The following MVB12B variants were observed in gnomAD, a reference collection of about 807,000 sequenced individuals.
MVB12B encodes the protein multivesicular body subunit 12B.
Under a neutral mutation model 41.6 loss-of-function variants are expected in MVB12B, and 16 were observed. The ratio of observed to expected loss-of-function variants is 0.38; its 90% CI spans 0.26 to 0.58. The LOEUF is 0.58. Among genes scored for constraint, MVB12B ranks in the 20% least tolerant of loss-of-function variants. The pLI is 0.62. For missense variants in MVB12B, 274 were observed against 380.2 expected, an observed-to-expected ratio of 0.72 and a Z score of 2.32; for synonymous variants, 133 against 139.7, an observed-to-expected ratio of 0.95 and a Z score of 0.34.
At chr9:126,332,674 G>A (rs909384136) in intron 1 of MVB12B, among the ~76,000 whole-genome samples, 11 of 128,714 alleles carry the variant, frequency 8.5e-5, no homozygotes, top group Admixed American at 6.9e-4. Flanking sequence ...CTGTTCCCCC[G>A]CCCCTTTATG....
intron 2 of MVB12B, among the ~76,000 whole-genome samples, chr9:126,357,170 GATTC>G (rs1425138604): frequency 3.9e-5 from 6 of 152,120 alleles, no homozygotes; most frequent in Non-Finnish European, 7.4e-5. Flanking sequence ...ATGATCTTGA[GATTC>G]ATTCATATTG....
intron 5 of MVB12B, among the ~76,000 whole-genome samples, chr9:126,393,043 G>A (rs1255096869): frequency 6.6e-6 from 1 of 152,194 alleles, no homozygotes; most frequent in Non-Finnish European, 1.5e-5. Flanking sequence ...GCTGAGGCCT[G>A]GGCCCGTTTG....
In MVB12B at chr9:126,404,825, G is replaced by A. The variant is rs569060972; in HGVS notation, c.662+9128G>A. ...GTGGTTGATTCTGGTGATCGTGAGA[G>A]TGGCATGAAAGAGACCTACAGAGCG... is the stretch of plus-strand genomic sequence containing the variant. On this transcript the variant is annotated intron_variant, in intron 6 of 9. Coordinates refer to ENST00000361171, the MANE Select transcript of MVB12B (RefSeq NM_033446.3). Among the ~76,000 whole-genome samples, 21 of 152,374 alleles carry A rather than the reference G, an allele frequency of 1.4e-4. No homozygotes were observed. In the South Asian group the frequency reaches 2.3e-3, roughly 17 times the overall value.
At chr9:126,440,209 C>T (rs1832595504) in intron 7 of MVB12B, among the ~76,000 whole-genome samples, 1 of 152,210 alleles carries the variant, frequency 6.6e-6, no homozygotes, top group South Asian at 2.1e-4. Flanking sequence ...GACTCCAGAG[C>T]ACCCATTCTT....
In MVB12B at chr9:126,433,852, G is replaced by A. The variant is rs1339953943; in HGVS notation, c.757+11904G>A. On this transcript the variant is annotated intron_variant, in intron 7 of 9. Coordinates refer to ENST00000361171, the MANE Select transcript of MVB12B (RefSeq NM_033446.3). ...GAGTCCTCCAGCTGCCAGCATTGCC[G>A]AGCTCAAGCATCTCTGAGTTAAGAC... 2.6e-5 allele frequency among the ~76,000 whole-genome samples: 4 copies of A among 152,142 alleles called. No individual in the cohort carries two copies. In the South Asian group the frequency reaches 8.3e-4, roughly 32 times the overall value.
At chr9:126,414,979 C>G (rs906791176) in intron 6 of MVB12B, among the ~76,000 whole-genome samples, 7 of 152,146 alleles carry the variant, frequency 4.6e-5, no homozygotes, top group Non-Finnish European at 7.3e-5. Flanking sequence ...ACCCACTCGC[C>G]TCGGCCTTCC....
chr9:126,449,012 A>G (rs1481599989), intron 7 of MVB12B, among the ~76,000 whole-genome samples: 1 of 152,216 alleles, frequency 6.6e-6, no homozygotes, highest in Admixed American at 6.5e-5. Flanking sequence ...CATAGAAGGA[A>G]GGGCAGGGGT....
chr9:126,396,684 T>G (rs1247818895), intron 6 of MVB12B: 2 of 985,352 alleles, frequency 2.0e-6, no homozygotes, highest in African/African-American at 1.7e-5. Flanking sequence ...GAGGACTCTG[T>G]CCTCTGGGAC....
intron 6 of MVB12B, among the ~76,000 whole-genome samples, chr9:126,410,601 G>A (rs544211169): frequency 2.0e-5 from 3 of 152,168 alleles, no homozygotes; most frequent in South Asian, 2.1e-4. Context: ...AAGCCTTCAC[G>A]CGGGCCTCCC....
At chr9:126,460,457 G>A (rs1833066482) in intron 7 of MVB12B, among the ~76,000 whole-genome samples, 1 of 152,192 alleles carries the variant, frequency 6.6e-6, no homozygotes, top group Admixed American at 6.5e-5. Flanking sequence ...GGTCATGCCA[G>A]GAGATGCCCC....
At chr9:126,338,449 G>C (rs967062651) in intron 1 of MVB12B, among the ~76,000 whole-genome samples, 3 of 152,184 alleles carry the variant, frequency 2.0e-5, no homozygotes, top group African/African-American at 4.8e-5. Context: ...GTGACCAGGG[G>C]ATGTGGCAAT....
chr9:126,396,064 C>A, intron 6 of MVB12B: 1 of 1,025,578 alleles, frequency 9.8e-7, no homozygotes, highest in East Asian at 8.9e-5. Flanking sequence ...TGGCCAGCAA[C>A]TCATTTGAAA....
intron 2 of MVB12B, among the ~76,000 whole-genome samples, chr9:126,344,646 C>T (rs1829541242): frequency 6.6e-6 from 1 of 152,250 alleles, no homozygotes; most frequent in Admixed American, 6.5e-5. Flanking sequence ...TCTCCCCCTC[C>T]TCTGTGACCC....
intron 8 of MVB12B, 42 bp downstream of exon 8, chr9:126,481,466 C>G: frequency 7.0e-7 from 1 of 1,432,658 alleles, no homozygotes; most frequent in Non-Finnish European, 9.9e-7. Context: ...TGCCACCCCC[C>G]AGCCTGAGGT....
intron 1 of MVB12B, among the ~76,000 whole-genome samples, chr9:126,339,416 C>T (rs1156674381): frequency 6.6e-6 from 1 of 152,166 alleles, no homozygotes; most frequent in Non-Finnish European, 1.5e-5. Flanking sequence ...CTCTTTTTCA[C>T]TGCTTGTCCT....
intron 7 of MVB12B, among the ~76,000 whole-genome samples, chr9:126,476,186 A>G (rs113864228): frequency 2.7e-5 from 4 of 147,408 alleles, no homozygotes; most frequent in African/African-American, 9.8e-5. Flanking sequence ...GCATCCCGCA[A>G]TGGTCTCACA....
chr9:126,366,772 T>A (rs1218530826), intron 2 of MVB12B, among the ~76,000 whole-genome samples: 1 of 152,008 alleles, frequency 6.6e-6, no homozygotes, highest in Non-Finnish European at 1.5e-5. Context: ...TGAGCATTCT[T>A]CTCTCACTTG....
intron 2 of MVB12B, among the ~76,000 whole-genome samples, chr9:126,342,889 G>A (rs1829486884): frequency 6.6e-6 from 1 of 152,222 alleles, no homozygotes; most frequent in Admixed American, 6.5e-5. Flanking sequence ...TCCAGCAGAT[G>A]AGGAAGCCCT....
intron 6 of MVB12B, chr9:126,397,742 C>A: frequency 2.2e-6 from 1 of 455,158 alleles, no homozygotes; most frequent in Non-Finnish European, 2.9e-6. Flanking sequence ...GTTTTCCTAT[C>A]CAGTATCTTT....
Sources: allele counts gnomAD v4.1 joint callset (sites outside exome capture counted in the v4.1 genomes callset), GRCh38; gene constraint gnomAD v4.1.1; transcripts MANE v1.5; gene names NCBI Gene and HGNC (gene_info 2026-07-23, HGNC 2026-07-21).